The following RALGAPA1 variants were observed in gnomAD, a reference collection of about 807,000 sequenced individuals.
RALGAPA1 encodes the protein ral GTPase-activating protein subunit alpha-1.
RALGAPA1 carries 52 observed loss-of-function variants against 269.6 expected under a neutral mutation model. The observed-to-expected ratio is 0.19, with a 90% CI of 0.15 to 0.24. The LOEUF (loss-of-function observed/expected upper bound fraction) is 0.24, where lower values mean the gene tolerates loss of function less well. RALGAPA1 is among the 10% of genes least tolerant of loss of function. The pLI, the probability that RALGAPA1 is intolerant of heterozygous loss-of-function variation, is 1.00. For synonymous variants in RALGAPA1, 817 were observed against 1,008.3 expected (o/e 0.81, Z 3.60); for missense variants, 1,917 against 3,013.9 (o/e 0.64, Z 8.52).
intron 4 of RALGAPA1, chr14:35,765,707 G>A: frequency 3.3e-6 from 1 of 304,168 alleles, no homozygotes; most frequent in East Asian, 8.3e-5. Flanking sequence ...TGTTACCCAG[G>A]CTGGTCTCAA....
Position 35,541,035 on chromosome 14 carries a change from C to G in RALGAPA1, c.*24-1345G>C, listed in dbSNP as rs528373914. Among the ~76,000 whole-genome samples the G allele has an allele frequency of 7.0e-5, 8 of 114,502 alleles. No homozygotes were observed. The East Asian group carries it at 2.5e-3, about 35-fold the overall frequency. 75.1% of individuals were successfully genotyped at this position (114,502 alleles called of 152,430 possible). A position where few individuals can be genotyped will look rare whatever the true frequency, so the allele number is the denominator to read the frequency against. ...ATTAAGAATATGTCTTTGCAGAACACTTCAATTTTTTTTTTTTTTTTTTTT... is the reference window on the plus strand; with the variant it reads ...ATTAAGAATATGTCTTTGCAGAACAGTTCAATTTTTTTTTTTTTTTTTTTT... On this transcript the variant is annotated intron_variant, in intron 41 of 41. Transcript: ENST00000680220.
At chr14:35,712,937 G>A (rs773965148) in intron 16 of RALGAPA1, among the ~76,000 whole-genome samples, 33 of 152,154 alleles carry the variant, frequency 2.2e-4, no homozygotes, top group Admixed American at 1.3e-4. Context: ...TAGTAATGTG[G>A]AAAGTAGAGA....
chr14:35,634,023 A>AT (rs2061515362), intron 33 of RALGAPA1, among the ~76,000 whole-genome samples: 1 of 152,164 alleles, frequency 6.6e-6, no homozygotes, highest in Admixed American at 6.5e-5. Flanking sequence ...CAAATAAGAA[A>AT]ACAGATATTT....
intron 12 of RALGAPA1, among the ~76,000 whole-genome samples, chr14:35,738,230 T>C (rs145478571): frequency 6.6e-6 from 1 of 152,046 alleles, no homozygotes; most frequent in Non-Finnish European, 1.5e-5. Context: ...TATGGCTGTA[T>C]AGTAACAACA....
chr14:35,600,232 C>T (rs149527713), intron 36 of RALGAPA1, among the ~76,000 whole-genome samples: 469 of 86,244 alleles, frequency 5.4e-3, no homozygotes, highest in African/African-American at 7.8e-3. Context: ...TTCTTTTTTT[C>T]TTTTTTTTTT....
chr14:35,780,616 C>T (rs2141625935), intron 1 of RALGAPA1, among the ~76,000 whole-genome samples: 1 of 152,170 alleles, frequency 6.6e-6, no homozygotes, highest in African/African-American at 2.4e-5. Context: ...ACTAAATAAC[C>T]AATTGGTCAA....
intron 37 of RALGAPA1, among the ~76,000 whole-genome samples, chr14:35,587,689 T>TG (rs1446285303): frequency 8.5e-6 from 1 of 117,494 alleles, no homozygotes; most frequent in African/African-American, 3.4e-5. Context: ...GGACACAGGG[T>TG]GGGGAACATT....
chr14:35,584,875 T>C (rs920978728), intron 37 of RALGAPA1, among the ~76,000 whole-genome samples: 3 of 152,114 alleles, frequency 2.0e-5, no homozygotes, highest in Non-Finnish European at 4.4e-5. Context: ...ACTTTAAGAA[T>C]TAATGTTATA....
chr14:35,741,373 T>C (rs934516351), intron 11 of RALGAPA1, among the ~76,000 whole-genome samples: 2 of 152,156 alleles, frequency 1.3e-5, no homozygotes, highest in Non-Finnish European at 2.9e-5. Flanking sequence ...ATGGTTAATT[T>C]TATTTACTTC....
At chr14:35,676,003 CAAGAA>C (rs1197665844) in intron 22 of RALGAPA1, among the ~76,000 whole-genome samples, 1 of 150,090 alleles carries the variant, frequency 6.7e-6, no homozygotes, top group Non-Finnish European at 1.5e-5. Flanking sequence ...TTCTCCATTA[CAAGAA>C]AAAAAAAAGG....
intron 31 of RALGAPA1, among the ~76,000 whole-genome samples, chr14:35,636,265 T>A (rs2061659333): frequency 6.6e-6 from 1 of 152,220 alleles, no homozygotes; most frequent in South Asian, 2.1e-4. Context: ...ATACAAAATG[T>A]AGAATACAAT....
chr14:35,602,109 T>C (rs1050103672), intron 36 of RALGAPA1, among the ~76,000 whole-genome samples: 1 of 152,238 alleles, frequency 6.6e-6, no homozygotes, highest in Non-Finnish European at 1.5e-5. Context: ...TTTAGCACAA[T>C]GTTTTCAAGG....
intron 36 of RALGAPA1, among the ~76,000 whole-genome samples, chr14:35,602,065 A>G (rs958521450): frequency 1.3e-5 from 2 of 152,246 alleles, no homozygotes; most frequent in East Asian, 1.9e-4. Context: ...TAAATGGACC[A>G]TTAATATGTG....
chr14:35,742,394 T>C lies in RALGAPA1; in HGVS notation c.1423A>G (p.Met475Val), dbSNP rs2071642354. Residue 475 changes from methionine (M) to valine (V), a missense_variant, in exon 11 of 42, where the codon ATG becomes GTG. Physicochemically the swap from Met to Val is conservative, Grantham distance 21. Coordinates refer to ENST00000680220, the MANE Select transcript of RALGAPA1 (RefSeq NM_001346249.2). ...TCTTCTCTTTTTTCTCCTTCTTCCA[T>C]TGAAATATCATGGTCTGTGACATTT... The part of the protein sequence containing the change: ...IENVTDHDIS[M>V]EEGEKREEEN... 6.3e-7 allele frequency: 1 copy of C among 1,599,154 alleles called. No homozygotes were observed. Among genetic ancestry groups the C allele is most frequent in the South Asian group, 1.1e-5 (1 of 89,560 alleles).
intron 39 of RALGAPA1, among the ~76,000 whole-genome samples, chr14:35,558,456 T>G (rs995902546): frequency 5.9e-5 from 9 of 152,338 alleles, no homozygotes; most frequent in Admixed American, 3.9e-4. Context: ...AAAAAATTCC[T>G]TATTTTCATC....
chr14:35,711,619 T>C (rs1055751678), intron 16 of RALGAPA1, among the ~76,000 whole-genome samples: 14 of 152,126 alleles, frequency 9.2e-5, no homozygotes, highest in African/African-American at 3.4e-4. Flanking sequence ...GACTAATTTT[T>C]TGATTTTTTT....
chr14:35,688,761 G>A lies in RALGAPA1; in HGVS notation c.3650C>T (p.Thr1217Ile). The A allele has an allele frequency of 1.4e-6, 2 of 1,452,786 alleles. No individual in the cohort carries two copies. The highest frequency in any genetic ancestry group is 2.5e-4 in the Middle Eastern group (1 of 3,938). 90.0% of individuals were successfully genotyped at this position (1,452,786 alleles called of 1,614,324 possible). ...GCTGCTTACTGATGCAGTACCAAGT[G>A]TATCTAGAGGTCTGTACACACCAGG... ...VKPGVYRPLD[T>I]LGTASVSSKT... The change falls in exon 18 of 42, where the codon ACA becomes ATA. Residue 1217 changes from threonine (T) to isoleucine (I), a missense_variant. Thr to Ile is a moderately conservative substitution (Grantham distance 89, BLOSUM62 -1). Around this residue, in one of 11 missense-constraint regions of RALGAPA1, gnomAD observed 615 missense variants for 790.0 expected, o/e 0.78. Coordinates refer to ENST00000680220, the MANE Select transcript of RALGAPA1 (RefSeq NM_001346249.2).
chr14:35,741,281 T>C (rs1420878442), intron 11 of RALGAPA1, among the ~76,000 whole-genome samples: 1 of 152,308 alleles, frequency 6.6e-6, no homozygotes, highest in African/African-American at 2.4e-5. Context: ...AGGTTTATTT[T>C]CCAGCATAAA....
chr14:35,775,147 C>A, intron 2 of RALGAPA1, 92 bp from the exon 3 acceptor site: 2 of 732,250 alleles, frequency 2.7e-6, no homozygotes, highest in Non-Finnish European at 2.3e-6. Context: ...TTTTTTTTTC[C>A]CAGCAATTAT....
Sources: allele counts gnomAD v4.1 joint callset (sites outside exome capture counted in the v4.1 genomes callset), GRCh38; gene constraint gnomAD v4.1.1; regional missense constraint gnomAD v4.1.1; transcripts MANE v1.5; gene names NCBI Gene and HGNC (gene_info 2026-07-23, HGNC 2026-07-21).